ANO5: variants seen among roughly 807,000 people sequenced by gnomAD.
ANO5 encodes anoctamin-5.
A neutral mutation model predicts 121.0 loss-of-function variants in ANO5; 109 were observed. The observed-to-expected ratio is 0.90, with a 90% CI of 0.77 to 1.06. The LOEUF (loss-of-function observed/expected upper bound fraction) is 1.06. Among genes scored for constraint, ANO5 ranks in the 50% least tolerant of loss-of-function variants. The probability of loss-of-function intolerance (pLI) is 0.00; values close to 1 mark genes in which losing one functional copy is unlikely to be tolerated. For missense variants in ANO5, 1,064 were observed against 1,078.5 expected (o/e 0.99, Z 0.19); for synonymous variants, 406 against 359.9 (o/e 1.13, Z -1.45).
At chr11:22,195,846 G>A (rs770224089) in intron 1 of ANO5, among the ~76,000 whole-genome samples, 8 of 152,110 alleles carry the variant, frequency 5.3e-5, no homozygotes, top group Non-Finnish European at 7.4e-5. Context: ...GAGGAATACC[G>A]TATATTTGAT....
intron 19 of ANO5, among the ~76,000 whole-genome samples, 172 bp from the exon 20 acceptor site, chr11:22,274,397 A>T (rs929339661): frequency 4.6e-5 from 7 of 152,138 alleles, no homozygotes; most frequent in Non-Finnish European, 8.8e-5. Flanking sequence ...CACACACTGT[A>T]AATGAGCTAC....
intron 1 of ANO5, 99 bp downstream of exon 1, chr11:22,193,631 G>T: frequency 6.9e-7 from 1 of 1,443,742 alleles, no homozygotes; most frequent in Non-Finnish European, 9.5e-7. Context: ...GCGGCCCTGC[G>T]GCCTGAGTCC....
chr11:22,207,281 T>G (rs1852149575), intron 2 of ANO5, among the ~76,000 whole-genome samples: 1 of 152,106 alleles, frequency 6.6e-6, no homozygotes, highest in Non-Finnish European at 1.5e-5. Flanking sequence ...CCCTCTATGT[T>G]ATTTTAAGAC....
At chr11:22,261,042 T>C (rs531054425) in intron 15 of ANO5, among the ~76,000 whole-genome samples, 1 of 152,232 alleles carries the variant, frequency 6.6e-6, no homozygotes, top group Non-Finnish European at 1.5e-5. Flanking sequence ...AAATCATCCC[T>C]GCCCTTGACA....
chr11:22,227,231 A>T lies in ANO5; in HGVS notation c.364-71A>T, dbSNP rs1852868140. 7.0e-6 allele frequency: 11 copies of T among 1,560,732 alleles called. No individual in the cohort carries two copies. In the South Asian group the frequency reaches 1.1e-4, roughly 16 times the overall value. On this transcript the variant is annotated intron_variant, in intron 6 of 21. Coordinates refer to ENST00000324559, the MANE Select transcript of ANO5 (RefSeq NM_213599.3). ...TTTGAGATTTTATAAAATATTATCC[A>T]TCTTATTTAATCAGCTCAATAACAA... is the stretch of plus-strand genomic sequence containing the variant.
intron 1 of ANO5, among the ~76,000 whole-genome samples, chr11:22,203,195 T>A (rs1180214058): frequency 2.6e-5 from 4 of 152,158 alleles, no homozygotes; most frequent in Admixed American, 1.3e-4. Flanking sequence ...AGTTTTTGAC[T>A]TAAATATATC....
Position 22,250,271 on chromosome 11 carries a change from G to A in ANO5, c.913G>A (p.Val305Ile). ...TGGAGAAAAAATTGGTATCTATTTTGTCTTTCTTGGATTTTACACAGAAAT... is the reference window on the plus strand; with the variant it reads ...TGGAGAAAAAATTGGTATCTATTTTATCTTTCTTGGATTTTACACAGAAAT... ...YYGEKIGIYFVFLGFYTEMLF... is the reference protein window; with the variant it reads ...YYGEKIGIYFIFLGFYTEMLF... Residue 305 changes from valine to isoleucine, a missense_variant, in exon 10 of 22, where the codon GTC becomes ATC. By Grantham distance (29) the Val-to-Ile change is conservative. Transcript: ENST00000324559. 6.2e-7 allele frequency: 1 copy of A among 1,604,048 alleles called. No individual in the cohort carries two copies. The highest frequency in any genetic ancestry group is 8.5e-7 in the Non-Finnish European group (1 of 1,171,866).
intron 3 of ANO5, among the ~76,000 whole-genome samples, chr11:22,216,510 C>G (rs910009388): frequency 2.0e-5 from 3 of 151,630 alleles, no homozygotes; most frequent in African/African-American, 7.3e-5. Flanking sequence ...ATGAACTGTT[C>G]AAATCTTTTC....
In ANO5 at chr11:22,279,970, G is replaced by A. The variant is rs1260846999; in HGVS notation, c.*205G>A. The A allele has an allele frequency of 1.8e-6, 1 of 564,416 alleles. No homozygotes were observed. Among genetic ancestry groups the A allele is most frequent in the Non-Finnish European group, 3.1e-6 (1 of 320,848 alleles). The allele number at this position is 564,416 out of a possible 1,614,324, so 35.0% of individuals were successfully genotyped here. On this transcript the variant is annotated 3_prime_UTR_variant, in exon 22 of 22. Coordinates refer to ENST00000324559, the MANE Select transcript of ANO5 (RefSeq NM_213599.3). ...GTACTACTTCTCTGCTTCATTGACT[G>A]GGCCCTCTCCAGATGTTGTTTTCTG...
chr11:22,270,693 T>C (rs1441872605), intron 18 of ANO5, among the ~76,000 whole-genome samples: 1 of 152,196 alleles, frequency 6.6e-6, no homozygotes, highest in Non-Finnish European at 1.5e-5. Context: ...TGAATGTTAA[T>C]ATTGTTGAAC....
chr11:22,211,451 T>C (rs1405309423), intron 3 of ANO5, 137 bp downstream of exon 3: 7 of 1,080,720 alleles, frequency 6.5e-6, no homozygotes, highest in Non-Finnish European at 8.2e-6. Flanking sequence ...TATATTACTT[T>C]AGAAAAAAAA....
chr11:22,233,427 C>A (rs1442718788), intron 7 of ANO5, among the ~76,000 whole-genome samples: 1 of 151,382 alleles, frequency 6.6e-6, no homozygotes, highest in Non-Finnish European at 1.5e-5. Context: ...TTTTATTTAT[C>A]ACCGTAAGCT....
At chr11:22,227,632 T>C in intron 7 of ANO5, 46 bp downstream of exon 7, 1 of 1,596,972 alleles carries the variant, frequency 6.3e-7, no homozygotes, top group Non-Finnish European at 8.6e-7. Context: ...ATACGAGATG[T>C]ATGCTTGTGT....
At chr11:22,271,300 G>T (rs569959817) in intron 18 of ANO5, among the ~76,000 whole-genome samples, 1 of 152,102 alleles carries the variant, frequency 6.6e-6, no homozygotes, top group South Asian at 2.1e-4. Flanking sequence ...CTCCCGCCTC[G>T]GCCTCCCAAA....
chr11:22,281,140 G>C lies in ANO5; in HGVS notation c.*1375G>C, dbSNP rs1855060887. The C allele has an allele frequency of 6.6e-6, 1 of 151,932 alleles. No individual in the cohort carries two copies. Among genetic ancestry groups the C allele is most frequent in the South Asian group, 2.1e-4 (1 of 4,834 alleles). The allele number at this position is 151,932 out of a possible 1,614,324, so 9.4% of individuals were successfully genotyped here. ...TAATTATTAGCACTAGAGGGATATA[G>C]TCCAGTTATGTAGTATTTAAATCTC... On this transcript the variant is annotated 3_prime_UTR_variant, in exon 22 of 22. Transcript: ENST00000324559.
rs1440700442 is a variant in ANO5 at position 22,274,565 on chromosome 11, TCAGGCC to T, written c.2236-3_2238del. ...ATCTTCCTCTTTTTTTTTTTATTCT[TCAGGCC>T]TTTATTGTTGCATTTACGTCAGACA... On this transcript the variant is annotated splice_acceptor_variant and splice_polypyrimidine_tract_variant and coding_sequence_variant and intron_variant, in exon 20 of 22. Transcript: ENST00000324559. LOFTEE classifies it high-confidence loss of function. The T allele has an allele frequency of 9.5e-6, 15 of 1,583,632 alleles. No homozygotes were observed. Among genetic ancestry groups the T allele is most frequent in the East Asian group, 4.5e-5 (2 of 44,420 alleles).
At chr11:22,204,933 C>T (rs931963030) in intron 2 of ANO5, among the ~76,000 whole-genome samples, 1 of 151,974 alleles carries the variant, frequency 6.6e-6, no homozygotes, top group South Asian at 2.1e-4. Context: ...ATAGCAAAGA[C>T]ATGGAATCAA....
intron 4 of ANO5, among the ~76,000 whole-genome samples, chr11:22,220,213 T>G (rs1852596173): frequency 6.6e-6 from 1 of 152,046 alleles, no homozygotes. Flanking sequence ...GCAGGTGAGC[T>G]AAAGCAATTG....
In ANO5 at chr11:22,218,278, G is replaced by A. The variant is rs748661426; in HGVS notation, c.171G>A (p.Arg57=). Residue 57 remains arginine (R), a synonymous_variant, in exon 4 of 22, where the codon CGG becomes CGA. Coordinates refer to ENST00000324559, the MANE Select transcript of ANO5 (RefSeq NM_213599.3). ...PAKRFNLFLR[R]RLMFQKNQQS... The stretch of plus-strand genomic sequence containing the variant: ...AGCGATTCAATTTGTTCCTGAGGCG[G>A]CGGCTTATGGTAAAACCAGTGCTGA... The A allele has an allele frequency of 6.2e-7, 1 of 1,613,388 alleles. No homozygotes were observed. Among genetic ancestry groups the A allele is most frequent in the Non-Finnish European group, 8.5e-7 (1 of 1,179,676 alleles).
Sources: gnomAD v4.1 joint callset for allele counts (sites outside exome capture counted in the v4.1 genomes callset) on GRCh38, gnomAD v4.1.1 for gene constraint, MANE v1.5 for transcripts, NCBI Gene and HGNC (gene_info 2026-07-23, HGNC 2026-07-21) for gene names.